The following DNHD1 variants were observed in gnomAD, a reference collection of about 807,000 sequenced individuals.
DNHD1 encodes dynein heavy chain domain 1.
In DNHD1, 383 loss-of-function variants were observed where a neutral mutation model predicts 458.1. The ratio of observed to expected loss-of-function variants is 0.84; its 90% CI spans 0.77 to 0.91. DNHD1 has a LOEUF of 0.91. DNHD1 is among the 40% of genes least tolerant of loss of function. The pLI is 0.00. For synonymous variants in DNHD1, 2,203 were observed against 2,376.9 expected (o/e 0.93, Z 2.13); for missense variants, 5,336 against 5,866.1 (o/e 0.91, Z 2.95).
Position 6,563,076 on chromosome 11 carries a change from AC to A in DNHD1, c.9616del (p.Leu3206TrpfsTer19). 6.4e-7 allele frequency: 1 copy of A among 1,551,610 alleles called. No individual in the cohort carries two copies. The highest frequency in any genetic ancestry group is 1.2e-5 in the South Asian group (1 of 84,044). ...ECRHQENLIENLARQRDALQA... is the reference protein window; with the variant it reads ...ECRHQENLIEXLARQRDALQA... ...CGGCATCAAGAGAACCTCATTGAGA[AC>A]CTGGCCAGGCAACGGGATGCCCTGC... On this transcript the variant is annotated frameshift_variant, in exon 29 of 43. Transcript: ENST00000254579. LOFTEE classifies it high-confidence loss of function.
rs376533287 is a variant in DNHD1, at chr11:6,557,008, G to A, written c.7713G>A (p.Trp2571Ter). ...TGGTTAGGGCCTCAGTAGAGGCCTG[G>A]GAGGCTGTGTGCAATTGCTTCATGC... is the stretch of plus-strand genomic sequence containing the variant. ...RGLVRASVEA[W>*]EAVCNCFMPS... is the part of the protein sequence containing the mutation. Residue 2571 changes from tryptophan to a stop codon, truncating the protein, a stop_gained, in exon 25 of 43, where the codon TGG becomes TGA. Coordinates refer to ENST00000254579, the MANE Select transcript of DNHD1 (RefSeq NM_144666.3). LOFTEE classifies it high-confidence loss of function. 1.3e-6 allele frequency: 2 copies of A among 1,551,706 alleles called. No homozygotes were observed. Among genetic ancestry groups the A allele is most frequent in the Non-Finnish European group, 1.7e-6 (2 of 1,146,994 alleles).
Position 6,546,186 on chromosome 11 carries a change from C to T in DNHD1, c.5247C>T (p.Leu1749=), listed in dbSNP as rs1288645568. The T allele has an allele frequency of 1.9e-6, 3 of 1,550,992 alleles. No homozygotes were observed. The highest frequency in any genetic ancestry group is 2.6e-6 in the Non-Finnish European group (3 of 1,146,512). ...EKVHQLPPGL[L]SALGQRLGEL... ...TTCATCAGCTGCCCCCTGGCTTGCT[C>T]TCTGCCCTGGGCCAGCGCCTGGGTG... Residue 1749 remains leucine (L), a synonymous_variant, in exon 21 of 43, where the codon CTC becomes CTT. Coordinates refer to ENST00000254579, the MANE Select transcript of DNHD1 (RefSeq NM_144666.3).
intron 7 of DNHD1, among the ~76,000 whole-genome samples, chr11:6,514,572 TCTTC>T (rs1299804115): frequency 1.4e-5 from 2 of 141,940 alleles, no homozygotes; most frequent in Non-Finnish European, 3.1e-5. Context: ...TCCCTCCCTC[TCTTC>T]CTTCCTTCCT....
intron 17 of DNHD1, 135 bp downstream of exon 17, chr11:6,539,448 C>G (rs1055977799): frequency 2.9e-6 from 2 of 678,808 alleles, no homozygotes; most frequent in Non-Finnish European, 5.1e-6. Context: ...AGGGCAGGAA[C>G]AGTTTCTTTA....
intron 3 of DNHD1, 27 bp from the exon 4 acceptor site, chr11:6,502,726 T>C: frequency 6.4e-7 from 1 of 1,554,882 alleles, no homozygotes; most frequent in Non-Finnish European, 8.7e-7. Flanking sequence ...TACTCTGCCT[T>C]TTCTCTCCTG....
rs1203929395 is a variant in DNHD1, at chr11:6,498,345, C to A, written c.130C>A (p.Gln44Lys). The A allele has an allele frequency of 6.2e-7, 1 of 1,614,220 alleles. No individual in the cohort carries two copies. Among genetic ancestry groups the A allele is most frequent in the African/African-American group, 1.3e-5 (1 of 75,054 alleles). The change falls in exon 3 of 43, where the codon CAG becomes AAG. Residue 44 changes from glutamine to lysine, a missense_variant. By Grantham distance (53) the Gln-to-Lys change is moderately conservative. Coordinates refer to ENST00000254579, the MANE Select transcript of DNHD1 (RefSeq NM_144666.3). ...QPLACQQKQR[Q>K]FVKPVTESEQ... is the part of the protein sequence containing the mutation. ...CTTGGCCTGCCAGCAGAAACAGAGG[C>A]AGTTCGTGAAGCCAGTGACTGAGTC...
In DNHD1 at chr11:6,547,057, G is replaced by C. The variant is rs1307364044; in HGVS notation, c.6118G>C (p.Glu2040Gln). Residue 2040 changes from glutamate (E) to glutamine (Q), a missense_variant, in exon 21 of 43, where the codon GAG becomes CAG. By Grantham distance (29) the Glu-to-Gln change is conservative. Around this residue, in one of 4 missense-constraint regions of DNHD1, gnomAD observed 3,932 missense variants for 4,365.6 expected, o/e 0.90. Coordinates refer to ENST00000254579, the MANE Select transcript of DNHD1 (RefSeq NM_144666.3). ...HLYPSGLSPQ[E>Q]FLGWLEGSCW... ...GTACCCCAGTGGCCTCAGCCCCCAG[G>C]AGTTCCTGGGATGGCTAGAGGGCTC... 1 of 1,551,696 alleles carries C rather than the reference G, an allele frequency of 6.4e-7. No individual in the cohort carries two copies. The highest frequency in any genetic ancestry group is 1.2e-5 in the South Asian group (1 of 84,062).
chr11:6,556,586 T>C (rs1853463763), intron 24 of DNHD1, 97 bp from the exon 25 acceptor site: 2 of 1,248,538 alleles, frequency 1.6e-6, no homozygotes, highest in East Asian at 5.1e-5. Context: ...ATTCACAAAA[T>C]TCCTTTAGAA....
intron 39 of DNHD1, among the ~76,000 whole-genome samples, chr11:6,569,290 T>C (rs986710476): frequency 1.3e-5 from 2 of 152,136 alleles, no homozygotes; most frequent in African/African-American, 4.8e-5. Flanking sequence ...GTGACCATCC[T>C]GGCTAACACA....
At position 6,533,979 on chromosome 11, in the gene DNHD1, C is replaced by A; in HGVS notation, c.2804C>A (p.Pro935His). 1 of 1,551,464 alleles carries A rather than the reference C, an allele frequency of 6.4e-7. No homozygotes were observed. The highest frequency in any genetic ancestry group is 8.7e-7 in the Non-Finnish European group (1 of 1,146,942). The change falls in exon 14 of 43, where the codon CCC (proline) becomes CAC (histidine). Residue 935 changes from proline to histidine, a missense_variant. By Grantham distance (77) the Pro-to-His change is moderately conservative (BLOSUM62 -2). This residue lies in a region of DNHD1 where 3,932 missense variants were observed against 4,365.6 expected (regional missense o/e 0.90). Coordinates refer to ENST00000254579, the MANE Select transcript of DNHD1 (RefSeq NM_144666.3). ...CTCAGCAAGCGACATGCCATTATGC[C>A]CAAGCTGCAGCAGCTGATGGCAGCA... ...FLLSKRHAIM[P>H]KLQQLMAAAL...
chr11:6,568,027 C>G lies in DNHD1; in HGVS notation c.12352-29C>G, dbSNP rs186465611. On this transcript the variant is annotated intron_variant, in intron 36 of 42. Coordinates refer to ENST00000254579, the MANE Select transcript of DNHD1 (RefSeq NM_144666.3). ...GGGTCACCCTAGGATCACTTTGAGT[C>G]ATGCTGCCATCTCTTTTTTGGTCCC... 4.2e-5 allele frequency: 65 copies of G among 1,537,756 alleles called. No homozygotes were observed. The East Asian group carries it at 1.6e-3, about 37-fold the overall frequency.
At position 6,509,009 on chromosome 11, in the gene DNHD1, T is replaced by G; in HGVS notation, c.1050T>G (p.His350Gln). The G allele has an allele frequency of 6.2e-7, 1 of 1,614,252 alleles. No individual in the cohort carries two copies. Among genetic ancestry groups the G allele is most frequent in the Non-Finnish European group, 8.5e-7 (1 of 1,180,044 alleles). ...SETMTLGTWH[H>Q]HCVLWQQLQF... ...CGATGACACTGGGTACCTGGCACCA[T>G]CACTGTGTTCTCTGGCAGCAGCTCC... Residue 350 changes from histidine to glutamine, a missense_variant, in exon 5 of 43, where the codon CAT becomes CAG. Around this residue, in one of 4 missense-constraint regions of DNHD1, gnomAD observed 3,932 missense variants for 4,365.6 expected, o/e 0.90. Coordinates refer to ENST00000254579, the MANE Select transcript of DNHD1 (RefSeq NM_144666.3).
chr11:6,532,481 T>C (rs933903003), intron 12 of DNHD1, among the ~76,000 whole-genome samples: 7 of 152,248 alleles, frequency 4.6e-5, no homozygotes, highest in African/African-American at 1.2e-4. Context: ...GGTCCCCTTC[T>C]TCTAGAGCAA....
chr11:6,566,480 G>T (rs1853701961), intron 34 of DNHD1, 87 bp downstream of exon 34: 1 of 1,546,000 alleles, frequency 6.5e-7, no homozygotes, highest in African/African-American at 1.4e-5. Context: ...CACTCAACCT[G>T]GCCCAGAGCA....
chr11:6,542,735 T>C (rs1853123233), intron 18 of DNHD1, among the ~76,000 whole-genome samples: 1 of 152,218 alleles, frequency 6.6e-6, no homozygotes, highest in African/African-American at 2.4e-5. Context: ...TGTTACAGGA[T>C]TGGGCACACC....
rs548011817 is a variant in DNHD1, at chr11:6,557,750, C to T, written c.8455C>T (p.Leu2819=). 4.8e-5 allele frequency: 75 copies of T among 1,551,716 alleles called. 1 individual carries two copies. In the East Asian group the frequency reaches 1.6e-3, roughly 33 times the overall value. Residue 2819 remains leucine, a synonymous_variant, in exon 25 of 43, where the codon CTG becomes TTG. Coordinates refer to ENST00000254579, the MANE Select transcript of DNHD1 (RefSeq NM_144666.3). ...ACATCCCCAGGAAAAGCCCTCAGAC[C>T]TGGTCTTCAGTCAGGAGCTGATACT... is the stretch of plus-strand genomic sequence containing the variant. The part of the protein sequence containing the change: ...LLHPQEKPSD[L]VFSQELILGP...
Position 6,534,129 on chromosome 11 carries a change from T to A in DNHD1, c.2954T>A (p.Val985Asp). 3 of 1,551,270 alleles carry A rather than the reference T, an allele frequency of 1.9e-6. No individual in the cohort carries two copies. Among genetic ancestry groups the A allele is most frequent in the Non-Finnish European group, 2.6e-6 (3 of 1,146,910 alleles). Reference sequence around the variant, plus strand: ...CTAGAGCGTCAGTTCCAGAACACAGTCAGCGACCTCAGTGAACTGCACCAC... The same window carrying A: ...CTAGAGCGTCAGTTCCAGAACACAGACAGCGACCTCAGTGAACTGCACCAC... ...VSLERQFQNT[V>D]SDLSELHHAY... The change falls in exon 14 of 43, where the codon GTC (valine) becomes GAC (aspartate). Residue 985 changes from valine to aspartate, a missense_variant. By Grantham distance (152) the Val-to-Asp change is radical. Coordinates refer to ENST00000254579, the MANE Select transcript of DNHD1 (RefSeq NM_144666.3).
chr11:6,525,453 G>A (rs1852691417), intron 10 of DNHD1, among the ~76,000 whole-genome samples: 1 of 152,174 alleles, frequency 6.6e-6, no homozygotes, highest in African/African-American at 2.4e-5. Flanking sequence ...TGTCCACCTG[G>A]CAAGCAAGAT....
chr11:6,571,632 C>T lies in DNHD1; in HGVS notation c.13912-4C>T, dbSNP rs1485379042. On this transcript the variant is annotated splice_polypyrimidine_tract_variant and splice_region_variant and intron_variant, in intron 42 of 42. Transcript: ENST00000254579. This position sits in a 1 kb window ranked among gnomAD's most constrained non-coding sequence, Gnocchi z 5.0. ...CTTGCCTGACCAGCTTCTGACGCCCCCAGGTGGAGAATGGTCCAAATCCCA... is the reference window on the plus strand; with the variant it reads ...CTTGCCTGACCAGCTTCTGACGCCCTCAGGTGGAGAATGGTCCAAATCCCA... The T allele has an allele frequency of 1.9e-6, 3 of 1,562,942 alleles. No individual in the cohort carries two copies. The highest frequency in any genetic ancestry group is 2.6e-6 in the Non-Finnish European group (3 of 1,151,174).
Sources: gnomAD v4.1 joint callset for allele counts (sites outside exome capture counted in the v4.1 genomes callset) on GRCh38, gnomAD v4.1.1 for gene constraint, gnomAD v4.1.1 regional missense constraint, Gnocchi (gnomAD v3.1) non-coding constraint, MANE v1.5 for transcripts, NCBI Gene and HGNC (gene_info 2026-07-23, HGNC 2026-07-21) for gene names.